XYLT1: variants seen among roughly 807,000 people sequenced by gnomAD.
XYLT1 encodes xylosyltransferase 1, also known as beta-D-xylosyltransferase 1.
In XYLT1, 36 loss-of-function variants were observed where a neutral mutation model predicts 91.3. That is an observed-to-expected ratio of 0.39 (90% CI 0.30 to 0.52). The LOEUF is 0.52. Among genes scored for constraint, XYLT1 ranks in the 20% least tolerant of loss-of-function variants. The pLI, the probability that XYLT1 is intolerant of heterozygous loss-of-function variation, is 0.68. For synonymous variants in XYLT1, 588 were observed against 532.0 expected (o/e 1.11, Z -1.45); for missense variants, 1,242 against 1,284.5 (o/e 0.97, Z 0.51).
chr16:17,157,715 G>A (rs910929659), intron 6 of XYLT1, among the ~76,000 whole-genome samples: 2 of 152,144 alleles, frequency 1.3e-5, no homozygotes, highest in African/African-American at 4.8e-5. Context: ...CGGGATGTCA[G>A]AGCCACCCTG....
intron 11 of XYLT1, among the ~76,000 whole-genome samples, chr16:17,115,706 G>A (rs895696986): frequency 1.4e-5 from 2 of 143,214 alleles, no homozygotes; most frequent in Admixed American, 7.5e-5. Flanking sequence ...GGCTGGTCTC[G>A]AACTCCTGGT....
intron 9 of XYLT1, among the ~76,000 whole-genome samples, chr16:17,131,974 G>T (rs2030498852): frequency 6.6e-6 from 1 of 152,160 alleles, no homozygotes; most frequent in Non-Finnish European, 1.5e-5. Context: ...GATACCAGAG[G>T]ATTCCTGGCT....
intron 5 of XYLT1, among the ~76,000 whole-genome samples, chr16:17,178,054 C>G (rs1446921013): frequency 6.7e-6 from 1 of 149,192 alleles, no homozygotes; most frequent in Non-Finnish European, 1.5e-5. Flanking sequence ...AGGTATTTAT[C>G]CTGCGTTTAG....
intron 1 of XYLT1, among the ~76,000 whole-genome samples, chr16:17,393,178 A>G (rs1035931285): frequency 1.3e-5 from 2 of 152,168 alleles, no homozygotes; most frequent in Middle Eastern, 3.2e-3. Flanking sequence ...AAACCTCTAA[A>G]CTGATTGAGG....
At chr16:17,338,603 T>G (rs1432963983) in intron 2 of XYLT1, 1 of 423,542 alleles carries the variant, frequency 2.4e-6, no homozygotes, top group South Asian at 1.7e-5. Flanking sequence ...CTTATCCTGG[T>G]CATTCGTGGC....
intron 2 of XYLT1, among the ~76,000 whole-genome samples, chr16:17,353,760 C>T (rs1198105900): frequency 6.6e-6 from 1 of 152,156 alleles, no homozygotes; most frequent in African/African-American, 2.4e-5. Flanking sequence ...TATACCAAGC[C>T]CATTTCTCCA....
At chr16:17,216,227 G>C (rs1419336915) in intron 3 of XYLT1, among the ~76,000 whole-genome samples, 1 of 152,116 alleles carries the variant, frequency 6.6e-6, no homozygotes, top group African/African-American at 2.4e-5. Context: ...TACTGCCATG[G>C]AAAAACGCAG....
chr16:17,118,028 C>A, intron 10 of XYLT1, 49 bp from the exon 11 acceptor site: 4 of 1,557,710 alleles, frequency 2.6e-6, no homozygotes, highest in Non-Finnish European at 3.5e-6. Context: ...AACTAGGGGG[C>A]TAGGTCTCAG....
At chr16:17,122,590 T>A (rs1275915201) in intron 10 of XYLT1, among the ~76,000 whole-genome samples, 1 of 152,242 alleles carries the variant, frequency 6.6e-6, no homozygotes, top group African/African-American at 2.4e-5. Flanking sequence ...CTTTTAAAAT[T>A]AAGTCCTATC....
chr16:17,453,222 C>A (rs2036690612), intron 1 of XYLT1, among the ~76,000 whole-genome samples: 1 of 152,242 alleles, frequency 6.6e-6, no homozygotes, highest in African/African-American at 2.4e-5. Flanking sequence ...AAAACAGCAG[C>A]TGACCTTCTT....
At chr16:17,268,080 C>T (rs2033833115) in intron 2 of XYLT1, among the ~76,000 whole-genome samples, 1 of 152,070 alleles carries the variant, frequency 6.6e-6, no homozygotes, top group Non-Finnish European at 1.5e-5. Flanking sequence ...AATATAAAGA[C>T]ATTATTTTCC....
chr16:17,139,867 A>G (rs1025451973), intron 7 of XYLT1, among the ~76,000 whole-genome samples: 3 of 152,246 alleles, frequency 2.0e-5, no homozygotes, highest in African/African-American at 4.8e-5. Context: ...CAAGCTCATC[A>G]TCCCTCTGGG....
chr16:17,197,350 G>A (rs570589359), intron 5 of XYLT1, among the ~76,000 whole-genome samples: 1 of 151,958 alleles, frequency 6.6e-6, no homozygotes, highest in African/African-American at 2.4e-5. Context: ...GGCCACCGTT[G>A]GTAAAATTAC....
chr16:17,461,671 G>GAT (rs2036824833), intron 1 of XYLT1, among the ~76,000 whole-genome samples: 4 of 152,226 alleles, frequency 2.6e-5, no homozygotes, highest in African/African-American at 9.6e-5. Context: ...TGGATGGATG[G>GAT]GTGGACAAAT....
intron 1 of XYLT1, among the ~76,000 whole-genome samples, chr16:17,466,890 G>GA (rs71882457): frequency 0.15 from 21,857 of 147,004 alleles, 1,816 homozygotes; most frequent in East Asian, 0.38. Context: ...TTGAAAGTGT[G>GA]AAAAAAAAAA....
At chr16:17,444,665 C>T (rs2036571980) in intron 1 of XYLT1, among the ~76,000 whole-genome samples, 1 of 152,034 alleles carries the variant, frequency 6.6e-6, no homozygotes, top group Admixed American at 6.6e-5. Flanking sequence ...ATTGTAGGTG[C>T]CTAGGAGAGC....
intron 1 of XYLT1, among the ~76,000 whole-genome samples, chr16:17,464,600 A>C (rs1384442736): frequency 6.6e-6 from 1 of 152,210 alleles, no homozygotes; most frequent in Non-Finnish European, 1.5e-5. Context: ...TAAGTTAATC[A>C]TTACACATTA....
intron 1 of XYLT1, among the ~76,000 whole-genome samples, chr16:17,431,983 C>A (rs1234044370): frequency 1.3e-5 from 2 of 152,034 alleles, no homozygotes; most frequent in African/African-American, 4.8e-5. Context: ...TTATCAAGGC[C>A]CCAGTGAGGG....
intron 2 of XYLT1, among the ~76,000 whole-genome samples, chr16:17,264,918 G>A (rs188723267): frequency 7.2e-5 from 11 of 152,296 alleles, no homozygotes; most frequent in Admixed American, 7.2e-4. Flanking sequence ...GCCGGGCACA[G>A]TGGCTCACAC....
Sources: allele counts gnomAD v4.1 joint callset (sites outside exome capture counted in the v4.1 genomes callset), GRCh38; gene constraint gnomAD v4.1.1; transcripts MANE v1.5; gene names NCBI Gene and HGNC (gene_info 2026-07-23, HGNC 2026-07-21).